The following CENPN variants were observed in gnomAD, a reference collection of about 807,000 sequenced individuals.
CENPN encodes interphase centromere complex protein 32.
A neutral mutation model predicts 48.6 loss-of-function variants in CENPN; 36 were observed. That is an observed-to-expected ratio of 0.74 (90% CI 0.57 to 0.98). The LOEUF is 0.98. Ranked by LOEUF, CENPN falls within the 50% of genes least tolerant of loss-of-function variation. The pLI, the probability that CENPN is intolerant of heterozygous loss-of-function variation, is 0.00. For missense variants in CENPN, 439 were observed against 399.2 expected (o/e 1.10, Z -0.85); for synonymous variants, 166 against 135.2 (o/e 1.23, Z -1.58).
In CENPN at chr16:81,029,851, A is replaced by T. The variant is rs1597114226; in HGVS notation, c.*1200A>T. On this transcript the variant is annotated 3_prime_UTR_variant, in exon 11 of 11. Coordinates refer to ENST00000305850, the MANE Select transcript of CENPN (RefSeq NM_001100624.3). ...TAGCCTCCTAAAATGCTGGGATTATAGGAGTGTATTAGTCTATTCTCATGC... is the reference window on the plus strand; with the variant it reads ...TAGCCTCCTAAAATGCTGGGATTATTGGAGTGTATTAGTCTATTCTCATGC... Among the ~76,000 whole-genome samples, 1 of 152,208 alleles carries T rather than the reference A, an allele frequency of 6.6e-6. No homozygotes were observed. The highest frequency in any genetic ancestry group is 2.1e-4 in the South Asian group (1 of 4,834).
intron 3 of CENPN, among the ~76,000 whole-genome samples, chr16:81,015,511 AT>A (rs1163533056): frequency 6.6e-6 from 1 of 152,254 alleles, no homozygotes; most frequent in East Asian, 1.9e-4. Flanking sequence ...ATCATTATGT[AT>A]TAGCTGTTTT....
At chr16:81,026,798 T>G (rs992326495) in intron 9 of CENPN, among the ~76,000 whole-genome samples, 160 bp downstream of exon 9, 4 of 152,240 alleles carry the variant, frequency 2.6e-5, no homozygotes, top group African/African-American at 9.6e-5. Context: ...TTTATTGTAT[T>G]TATAAGTTCC....
chr16:81,010,140 G>C (rs1969681636), intron 1 of CENPN, among the ~76,000 whole-genome samples: 1 of 152,186 alleles, frequency 6.6e-6, no homozygotes, highest in Non-Finnish European at 1.5e-5. Flanking sequence ...GGAGGTTGCA[G>C]TGAGCCGAGG....
rs761078576 is a variant in CENPN, at chr16:81,025,689, C to CTTTT, written c.698-836_698-835insTTTT. Among the ~76,000 whole-genome samples, 40 of 135,220 alleles carry CTTTT rather than the reference C, an allele frequency of 3.0e-4. 8 individuals are homozygous for CTTTT. The highest frequency in any genetic ancestry group is 9.4e-4 in the African/African-American group (32 of 34,022). 88.7% of individuals were successfully genotyped at this position (135,220 alleles called of 152,430 possible). On this transcript the variant is annotated intron_variant, in intron 8 of 10. Transcript: ENST00000305850. ...TGGGCAACATAGTGAGACCCTGTCT[C>CTTTT]TCTTTTTTTTTTTTTTTTTTTTTTT... is the stretch of plus-strand genomic sequence containing the variant.
chr16:81,030,396 T>C lies in CENPN; in HGVS notation c.*1745T>C, dbSNP rs969833487. 25 of 985,098 alleles carry C rather than the reference T, an allele frequency of 2.5e-5. No individual in the cohort carries two copies. The highest frequency in any genetic ancestry group is 2.9e-5 in the Non-Finnish European group (24 of 829,858). The allele number at this position is 985,098 out of a possible 1,614,324, so 61.0% of individuals were successfully genotyped here. On this transcript the variant is annotated 3_prime_UTR_variant, in exon 11 of 11. Coordinates refer to ENST00000305850, the MANE Select transcript of CENPN (RefSeq NM_001100624.3). The stretch of plus-strand genomic sequence containing the variant: ...ACTCTCACACTTCTGATACCAGATA[T>C]GTGGGGGAGGGGGTTTCCCCCACAC...
intron 7 of CENPN, chr16:81,023,709 G>T (rs1185533603): frequency 6.6e-6 from 1 of 152,132 alleles, no homozygotes; most frequent in African/African-American, 2.4e-5. Flanking sequence ...GGCCAAGAAG[G>T]GCAAATCCCT....
chr16:81,026,193 AT>A (rs1970483464), intron 8 of CENPN, among the ~76,000 whole-genome samples: 1 of 144,430 alleles, frequency 6.9e-6, no homozygotes, highest in Non-Finnish European at 1.5e-5. Flanking sequence ...GTGTATATAT[AT>A]GTATATATAT....
At chr16:81,028,364 C>T in intron 10 of CENPN, 67 bp downstream of exon 10, 5 of 1,570,304 alleles carry the variant, frequency 3.2e-6, no homozygotes, top group Non-Finnish European at 8.7e-7. Flanking sequence ...TCCTTATAAT[C>T]TGCTAATTAC....
chr16:81,020,234 G>A lies in CENPN; in HGVS notation c.489G>A (p.Thr163=), dbSNP rs149192784. 3.8e-5 allele frequency: 62 copies of A among 1,613,938 alleles called. No homozygotes were observed. In the African/African-American group the frequency reaches 5.5e-4, roughly 14 times the overall value. Residue 163 remains threonine, a synonymous_variant, in exon 6 of 11, where the codon ACG becomes ACA. Coordinates refer to ENST00000305850, the MANE Select transcript of CENPN (RefSeq NM_001100624.3). The part of the protein sequence containing the change: ...VYYSQTPYAF[T]SSSMLRRNTP... ...ACTCCCAGACTCCGTACGCCTTCAC[G>A]TCCTCCTCCATGCTGAGGCGCAATA...
At chr16:81,010,222 AT>A (rs1969686327) in intron 1 of CENPN, among the ~76,000 whole-genome samples, 1 of 152,012 alleles carries the variant, frequency 6.6e-6, no homozygotes, top group Admixed American at 6.6e-5. Flanking sequence ...AATAAATATC[AT>A]GTTTGCTTGC....
At chr16:81,024,895 GA>G (rs1241410003) in intron 8 of CENPN, 117 bp downstream of exon 8, 5 of 556,218 alleles carry the variant, frequency 9.0e-6, no homozygotes, top group Non-Finnish European at 1.2e-5. Flanking sequence ...ATTGTTTTCA[GA>G]AAAATTGAAA....
intron 8 of CENPN, 109 bp downstream of exon 8, chr16:81,024,887 T>C (rs1970392956): frequency 4.8e-6 from 3 of 620,402 alleles, no homozygotes; most frequent in Admixed American, 6.6e-5. Context: ...AAACTTTTAT[T>C]GTTTTCAGAA....
chr16:81,021,355 G>T (rs1467576841), intron 6 of CENPN, among the ~76,000 whole-genome samples: 2 of 152,032 alleles, frequency 1.3e-5, no homozygotes, highest in African/African-American at 4.8e-5. Context: ...AATTGGCCTG[G>T]CACTTGCTGC....
At chr16:81,007,411 C>T (rs1302423852) in intron 1 of CENPN, 134 bp downstream of exon 1, 1 of 152,204 alleles carries the variant, frequency 6.6e-6, no homozygotes, top group African/African-American at 2.4e-5. Context: ...CGCTGGGTCT[C>T]GGGCTCGGGG....
At chr16:81,028,071 T>C (rs577135991) in intron 9 of CENPN, 100 bp from the exon 10 acceptor site, 347 of 1,018,634 alleles carry the variant, frequency 3.4e-4, no homozygotes, top group Non-Finnish European at 4.8e-4. Flanking sequence ...TATTTCTTAA[T>C]GGCAAGAATT....
At chr16:81,013,068 C>T (rs1597307488) in intron 2 of CENPN, among the ~76,000 whole-genome samples, 2 of 152,100 alleles carry the variant, frequency 1.3e-5, no homozygotes, top group Non-Finnish European at 2.9e-5. Context: ...CACATAAAGA[C>T]GTGTGTACTA....
At chr16:81,011,136 C>T (rs1159220680) in intron 1 of CENPN, among the ~76,000 whole-genome samples, 15 of 152,152 alleles carry the variant, frequency 9.9e-5, no homozygotes, top group Admixed American at 8.5e-4. Flanking sequence ...CCCTGTTCCT[C>T]GAAGGCCCCA....
At chr16:81,032,744 G>A, downstream of CENPN, 2 of 1,542,902 alleles carry the variant, frequency 1.3e-6, no homozygotes, top group East Asian at 2.3e-5. Context: ...TCAAATGTAT[G>A]TCTCTCCTGA....
At chr16:81,013,209 G>GTATT (rs2151678754) in intron 2 of CENPN, among the ~76,000 whole-genome samples, 1 of 152,306 alleles carries the variant, frequency 6.6e-6, no homozygotes, top group East Asian at 1.9e-4. Context: ...AAGGAATGAA[G>GTATT]TATTCATAGA....
Sources: allele counts gnomAD v4.1 joint callset (sites outside exome capture counted in the v4.1 genomes callset), GRCh38; gene constraint gnomAD v4.1.1; transcripts MANE v1.5; gene names NCBI Gene and HGNC (gene_info 2026-07-23, HGNC 2026-07-21).